Variants in DPP10 observed in about 807,000 individuals in gnomAD.
DPP10 encodes the protein dipeptidyl peptidase like 10.
DPP10 carries 33 observed loss-of-function variants against 120.9 expected under a neutral mutation model. The ratio of observed to expected loss-of-function variants is 0.27; its 90% CI spans 0.21 to 0.37. The LOEUF is 0.37. DPP10 is among the 10% of genes least tolerant of loss of function. DPP10 has a pLI of 1.00. For synonymous variants in DPP10, 337 were observed against 326.1 expected, an observed-to-expected ratio of 1.03 and a Z score of -0.36; for missense variants, 816 against 942.8, an observed-to-expected ratio of 0.87 and a Z score of 1.76.
At chr2:115,122,609 G>A (rs765180013) in intron 1 of DPP10, among the ~76,000 whole-genome samples, 3 of 152,200 alleles carry the variant, frequency 2.0e-5, no homozygotes, top group Non-Finnish European at 4.4e-5. Flanking sequence ...TTTCTTTGTT[G>A]CCACACAATG....
chr2:115,509,656 ACT>A (rs554505659), intron 4 of DPP10, among the ~76,000 whole-genome samples: 34 of 152,248 alleles, frequency 2.2e-4, no homozygotes, highest in Admixed American at 2.0e-3. Flanking sequence ...ACAGAGCAAG[ACT>A]CTGTCTCAAA....
chr2:114,448,526 T>G (rs115332947), intron 1 of DPP10, among the ~76,000 whole-genome samples: 1,632 of 152,254 alleles, frequency 0.011, 22 homozygotes, highest in African/African-American at 0.037. Context: ...TCCTGTGAAC[T>G]CATTAAAAAT....
chr2:115,490,694 T>A (rs952556208), intron 3 of DPP10, among the ~76,000 whole-genome samples: 11 of 152,208 alleles, frequency 7.2e-5, no homozygotes, highest in Non-Finnish European at 1.3e-4. Context: ...TTTATATATG[T>A]GTAAATGTAT....
At chr2:114,537,633 A>G (rs1452321427) in intron 1 of DPP10, among the ~76,000 whole-genome samples, 2 of 152,206 alleles carry the variant, frequency 1.3e-5, no homozygotes, top group Admixed American at 6.5e-5. Flanking sequence ...GGGGCAGAGT[A>G]TGCTTTTCAA....
At chr2:114,763,170 C>T (rs772840900) in intron 1 of DPP10, among the ~76,000 whole-genome samples, 10 of 152,150 alleles carry the variant, frequency 6.6e-5, no homozygotes, top group South Asian at 4.1e-4. Context: ...TGGGAGATAC[C>T]GCAGGCCAGT....
intron 1 of DPP10, among the ~76,000 whole-genome samples, chr2:115,291,282 G>T (rs1250025650): frequency 6.6e-6 from 1 of 152,080 alleles, no homozygotes; most frequent in African/African-American, 2.4e-5. Context: ...CAGATTACTG[G>T]TGTGAGCCAT....
chr2:114,922,285 T>G (rs1042751987), intron 1 of DPP10, among the ~76,000 whole-genome samples: 20 of 152,178 alleles, frequency 1.3e-4, no homozygotes, highest in Non-Finnish European at 2.8e-4. Context: ...TAATCTCTGT[T>G]TCATAGCTTT....
At chr2:115,133,815 AAGTTATCTTCC>A (rs146496701) in intron 1 of DPP10, among the ~76,000 whole-genome samples, 8,968 of 152,186 alleles carry the variant, frequency 0.059, 381 homozygotes, top group East Asian at 0.23. Flanking sequence ...TCTGTCTGTG[AAGTTATCTTCC>A]AGCTATTTTG....
intron 1 of DPP10, among the ~76,000 whole-genome samples, chr2:114,445,786 C>T (rs950645366): frequency 6.6e-6 from 1 of 152,072 alleles, no homozygotes; most frequent in African/African-American, 2.4e-5. Flanking sequence ...TTAGCTCAGA[C>T]AGTTACTGAC....
intron 3 of DPP10, among the ~76,000 whole-genome samples, chr2:115,379,968 T>C (rs1026517484): frequency 6.6e-6 from 1 of 152,208 alleles, no homozygotes; most frequent in African/African-American, 2.4e-5. Flanking sequence ...GAGCTTTACT[T>C]CCAAGTATGT....
chr2:114,904,242 A>T (rs998802691), intron 1 of DPP10, among the ~76,000 whole-genome samples: 1 of 152,368 alleles, frequency 6.6e-6, no homozygotes, highest in African/African-American at 2.4e-5. Flanking sequence ...TGATAAAAAT[A>T]TGAATGTTAA....
At chr2:115,259,899 T>A (rs1471541481) in intron 1 of DPP10, among the ~76,000 whole-genome samples, 1 of 152,106 alleles carries the variant, frequency 6.6e-6, no homozygotes, top group Non-Finnish European at 1.5e-5. Flanking sequence ...TTTAATTTGG[T>A]CATACTTGAT....
chr2:114,726,365 A>G lies in DPP10; in HGVS notation c.60+283527A>G, dbSNP rs537288413. 1.4e-4 allele frequency among the ~76,000 whole-genome samples: 21 copies of G among 152,318 alleles called. No homozygotes were observed. The South Asian group carries it at 4.4e-3, about 32-fold the overall frequency. On this transcript the variant is annotated intron_variant, in intron 1 of 25. Transcript: ENST00000410059. ...TGCCTCACTCCCCAAGGTAAATAGCAATGAGGAATGGTTCTACTGACCTCC... is the reference window on the plus strand; with the variant it reads ...TGCCTCACTCCCCAAGGTAAATAGCGATGAGGAATGGTTCTACTGACCTCC...
intron 1 of DPP10, among the ~76,000 whole-genome samples, chr2:114,520,133 A>T (rs1235674525): frequency 6.6e-6 from 1 of 152,252 alleles, no homozygotes; most frequent in Non-Finnish European, 1.5e-5. Flanking sequence ...ATCCCCTAAT[A>T]ATATTTATGG....
At chr2:115,505,993 C>A (rs79806494) in intron 4 of DPP10, among the ~76,000 whole-genome samples, 32,019 of 151,438 alleles carry the variant, frequency 0.21, 3,858 homozygotes, top group East Asian at 0.39. Flanking sequence ...ATTATTAATA[C>A]AAATAAAATA....
At chr2:115,507,960 A>G (rs1199613369) in intron 4 of DPP10, among the ~76,000 whole-genome samples, 1 of 152,084 alleles carries the variant, frequency 6.6e-6, no homozygotes, top group Admixed American at 6.6e-5. Context: ...TTGTTGGTTA[A>G]TTACCTTCAA....
chr2:115,454,204 A>G (rs1264647133), intron 3 of DPP10, among the ~76,000 whole-genome samples: 1 of 151,600 alleles, frequency 6.6e-6, no homozygotes, highest in Non-Finnish European at 1.5e-5. Context: ...AATGTATTTT[A>G]TTAATAGGCT....
intron 1 of DPP10, among the ~76,000 whole-genome samples, chr2:114,771,877 T>G (rs551292699): frequency 9.7e-4 from 148 of 152,150 alleles, no homozygotes; most frequent in African/African-American, 3.5e-3. Context: ...CACTTTAGAT[T>G]TTTTTTTCCA....
chr2:115,492,957 G>A (rs1221040119), intron 3 of DPP10, among the ~76,000 whole-genome samples: 1 of 152,080 alleles, frequency 6.6e-6, no homozygotes, highest in African/African-American at 2.4e-5. Flanking sequence ...GACAAGATCT[G>A]GTGTATTTAT....
Sources: gnomAD v4.1 joint callset for allele counts (sites outside exome capture counted in the v4.1 genomes callset) on GRCh38, gnomAD v4.1.1 for gene constraint, MANE v1.5 for transcripts, NCBI Gene and HGNC (gene_info 2026-07-23, HGNC 2026-07-21) for gene names.